HDAC9: variants seen among roughly 807,000 people sequenced by gnomAD.
HDAC9 encodes the protein MEF-2 interacting transcription repressor (MITR) protein.
HDAC9 carries 41 observed loss-of-function variants against 139.4 expected under a neutral mutation model. That is an observed-to-expected ratio of 0.29 (90% confidence interval 0.23 to 0.38). The LOEUF (loss-of-function observed/expected upper bound fraction) is 0.38, where lower values mean the gene tolerates loss of function less well. HDAC9 is among the 10% of genes least tolerant of loss of function. The pLI is 1.00. For missense variants in HDAC9, 1,147 were observed against 1,297.0 expected (o/e 0.88, Z 1.78); for synonymous variants, 517 against 476.2 (o/e 1.09, Z -1.12).
intron 1 of HDAC9, among the ~76,000 whole-genome samples, chr7:18,478,697 G>C (rs530650912): frequency 7.9e-5 from 12 of 152,076 alleles, no homozygotes; most frequent in Non-Finnish European, 1.5e-4. Context: ...AAAATTTCTT[G>C]AGAAACTCTA....
In HDAC9 at chr7:18,090,841, A is replaced by G. The variant is rs1477615618; in HGVS notation, c.-97+3628A>G. Among the ~76,000 whole-genome samples, 7 of 151,734 alleles carry G rather than the reference A, an allele frequency of 4.6e-5. No homozygotes were observed. In the East Asian group the frequency reaches 1.2e-3, roughly 25 times the overall value. ...TTCCATGTAGATCTCATATCTGAAT[A>G]AATCAGACTTTTTTTAAAAAAAAGA... On this transcript the variant is annotated intron_variant, in intron 1 of 12. Coordinates refer to the HDAC9 transcript ENST00000417496.
intron 22 of HDAC9, among the ~76,000 whole-genome samples, chr7:18,883,617 A>G (rs1799899054): frequency 6.6e-6 from 1 of 152,110 alleles, no homozygotes; most frequent in African/African-American, 2.4e-5. Flanking sequence ...TTTTTTCCTA[A>G]GGTCAGGAAC....
chr7:18,335,420 T>TG (rs1269756639), intron 1 of HDAC9, among the ~76,000 whole-genome samples: 1 of 151,472 alleles, frequency 6.6e-6, no homozygotes, highest in Non-Finnish European at 1.5e-5. Flanking sequence ...GATTGCTCAT[T>TG]GCCATGTTCC....
chr7:18,520,961 A>T (rs974704925), intron 2 of HDAC9, among the ~76,000 whole-genome samples: 3 of 152,216 alleles, frequency 2.0e-5, no homozygotes, highest in African/African-American at 7.2e-5. Flanking sequence ...CTCCTAATAA[A>T]GCCATGAGAA....
intron 22 of HDAC9, among the ~76,000 whole-genome samples, chr7:18,928,887 T>C (rs1410866573): frequency 6.6e-6 from 1 of 151,968 alleles, no homozygotes; most frequent in African/African-American, 2.4e-5. Context: ...ATAGAGCCTG[T>C]TTATTATTAT....
At chr7:18,348,867 CTTCACAGTAGTAG>C (rs1782627049) in intron 1 of HDAC9, among the ~76,000 whole-genome samples, 1 of 152,100 alleles carries the variant, frequency 6.6e-6, no homozygotes, top group African/African-American at 2.4e-5. Flanking sequence ...ATTATTTAAT[CTTCACAGTAGTAG>C]TGCAGTTTAG....
chr7:18,510,226 G>A (rs1210455131), intron 2 of HDAC9, among the ~76,000 whole-genome samples: 2 of 152,252 alleles, frequency 1.3e-5, no homozygotes, highest in South Asian at 2.1e-4. Context: ...TATTCTTAAC[G>A]AAGGGAATTT....
At chr7:18,744,614 A>G (rs1787768528) in intron 13 of HDAC9, among the ~76,000 whole-genome samples, 1 of 152,210 alleles carries the variant, frequency 6.6e-6, no homozygotes, top group African/African-American at 2.4e-5. Flanking sequence ...GACAAGATAA[A>G]TTGTCTATAA....
At chr7:18,381,402 C>T (rs148001731) in intron 1 of HDAC9, among the ~76,000 whole-genome samples, 11 of 151,910 alleles carry the variant, frequency 7.2e-5, no homozygotes, top group African/African-American at 2.7e-4. Context: ...GACCACCAAG[C>T]AGTAAAGTAT....
At chr7:18,475,085 T>G (rs1350692506) in intron 1 of HDAC9, among the ~76,000 whole-genome samples, 2 of 152,228 alleles carry the variant, frequency 1.3e-5, no homozygotes, top group Admixed American at 1.3e-4. Flanking sequence ...AAGCAAGGCC[T>G]GCTGTAGTGT....
chr7:18,306,351 G>T (rs1798906391), intron 1 of HDAC9, among the ~76,000 whole-genome samples: 1 of 152,232 alleles, frequency 6.6e-6, no homozygotes, highest in East Asian at 1.9e-4. Flanking sequence ...TGTCTGGCCA[G>T]TGTGTACTGC....
chr7:18,986,634 G>A (rs1466538879), intron 25 of HDAC9, among the ~76,000 whole-genome samples: 1 of 151,278 alleles, frequency 6.6e-6, no homozygotes, highest in Non-Finnish European at 1.5e-5. Flanking sequence ...TGATGGGGAT[G>A]GCATTGAATC....
intron 1 of HDAC9, among the ~76,000 whole-genome samples, chr7:18,332,840 C>T (rs955972789): frequency 2.0e-5 from 3 of 151,546 alleles, no homozygotes; most frequent in South Asian, 2.1e-4. Context: ...ATACACCTTA[C>T]GGCACTGGAG....
chr7:18,108,083 T>C (rs1369660289), intron 1 of HDAC9, among the ~76,000 whole-genome samples: 1 of 152,194 alleles, frequency 6.6e-6, no homozygotes, highest in Non-Finnish European at 1.5e-5. Flanking sequence ...GTGAAAAATA[T>C]GCCTACAATT....
intron 2 of HDAC9, among the ~76,000 whole-genome samples, chr7:18,175,394 C>T (rs1198694541): frequency 1.3e-5 from 2 of 152,152 alleles, no homozygotes; most frequent in South Asian, 2.1e-4. Context: ...AAAGGGAATT[C>T]CCCAACTCCT....
At chr7:18,746,273 A>G (rs1290118138) in intron 13 of HDAC9, among the ~76,000 whole-genome samples, 1 of 152,206 alleles carries the variant, frequency 6.6e-6, no homozygotes, top group Non-Finnish European at 1.5e-5. Context: ...AAAATGTTAA[A>G]CAGTTCTTCT....
chr7:18,572,403 A>G (rs1353806065), intron 2 of HDAC9, among the ~76,000 whole-genome samples: 1 of 150,752 alleles, frequency 6.6e-6, no homozygotes, highest in Non-Finnish European at 1.5e-5. Context: ...CCCTCTCATT[A>G]TGAAACCCTA....
intron 23 of HDAC9, among the ~76,000 whole-genome samples, chr7:18,943,072 A>G (rs182650913): frequency 6.6e-6 from 1 of 152,082 alleles, no homozygotes; most frequent in Non-Finnish European, 1.5e-5. Flanking sequence ...TTGACTGTCA[A>G]ATTTAAACTT....
intron 1 of HDAC9, among the ~76,000 whole-genome samples, chr7:18,299,318 A>G (rs1417528348): frequency 6.6e-6 from 1 of 151,496 alleles, no homozygotes; most frequent in African/African-American, 2.4e-5. Flanking sequence ...CCAACGTAAT[A>G]TATTCCTTGT....
Sources: gnomAD v4.1 joint callset for allele counts (sites outside exome capture counted in the v4.1 genomes callset) on GRCh38, gnomAD v4.1.1 for gene constraint, MANE v1.5 for transcripts, NCBI Gene and HGNC (gene_info 2026-07-23, HGNC 2026-07-21) for gene names.